Variants in ST18 observed in about 807,000 individuals in gnomAD.
ST18 encodes the protein suppression of tumorigenicity 18 protein.
In ST18, 50 loss-of-function variants were observed where a neutral mutation model predicts 110.0. The observed-to-expected ratio is 0.45, with a 90% confidence interval of 0.36 to 0.58. The LOEUF (loss-of-function observed/expected upper bound fraction) is 0.58. ST18 is among the 20% of genes least tolerant of loss of function. The pLI is 0.00. For missense variants in ST18, 1,306 were observed against 1,280.1 expected, an observed-to-expected ratio of 1.02 and a Z score of -0.31; for synonymous variants, 461 against 452.4, an observed-to-expected ratio of 1.02 and a Z score of -0.24.
intron 2 of ST18, among the ~76,000 whole-genome samples, chr8:52,287,688 A>G (rs1187226371): frequency 6.6e-6 from 1 of 152,212 alleles, no homozygotes; most frequent in African/African-American, 2.4e-5. Flanking sequence ...TTGGCATTGC[A>G]TATACAAAGG....
At chr8:52,295,710 CTTTTTTTTTTT>C (rs371927202) in intron 2 of ST18, among the ~76,000 whole-genome samples, 1 of 130,846 alleles carries the variant, frequency 7.6e-6, no homozygotes, top group Non-Finnish European at 1.6e-5. Context: ...TCTTTTTTTC[CTTTTTTTTTTT>C]TTTTTTTGAA....
intron 2 of ST18, among the ~76,000 whole-genome samples, chr8:52,233,699 T>A (rs1474854394): frequency 6.6e-6 from 1 of 152,184 alleles, no homozygotes; most frequent in Non-Finnish European, 1.5e-5. Context: ...CCAATTTAAG[T>A]CTATTATTTT....
At chr8:52,151,177 C>T (rs2058716822) in intron 15 of ST18, among the ~76,000 whole-genome samples, 1 of 152,114 alleles carries the variant, frequency 6.6e-6, no homozygotes, top group East Asian at 1.9e-4. Flanking sequence ...TGTTTTAACT[C>T]TTCCCTTTAA....
chr8:52,146,363 C>T (rs2057275122), intron 16 of ST18, among the ~76,000 whole-genome samples: 3 of 152,330 alleles, frequency 2.0e-5, no homozygotes, highest in Admixed American at 6.5e-5. Flanking sequence ...CCTGCCATTT[C>T]TTCATTCTTC....
intron 8 of ST18, among the ~76,000 whole-genome samples, chr8:52,182,757 T>C (rs2070314342): frequency 6.6e-6 from 1 of 152,088 alleles, no homozygotes; most frequent in Admixed American, 6.6e-5. Flanking sequence ...TACTTCACAC[T>C]TGAAAATGAG....
At chr8:52,400,252 G>A (rs577760279) in intron 2 of ST18, among the ~76,000 whole-genome samples, 12 of 152,124 alleles carry the variant, frequency 7.9e-5, no homozygotes, top group African/African-American at 2.6e-4. Context: ...CTATTTGCAT[G>A]GAATATCTTT....
chr8:52,214,858 G>T (rs2083536543), intron 6 of ST18, among the ~76,000 whole-genome samples: 1 of 152,160 alleles, frequency 6.6e-6, no homozygotes, highest in Non-Finnish European at 1.5e-5. Context: ...AAATTTGAGT[G>T]ATATATGTGC....
At chr8:52,372,370 T>C (rs2140642595) in intron 2 of ST18, among the ~76,000 whole-genome samples, 1 of 152,326 alleles carries the variant, frequency 6.6e-6, no homozygotes, top group South Asian at 2.1e-4. Flanking sequence ...TAAAAGTTTA[T>C]AAAGTAAAAA....
chr8:52,312,823 A>G (rs1375970115), intron 2 of ST18, among the ~76,000 whole-genome samples: 3 of 152,128 alleles, frequency 2.0e-5, no homozygotes, highest in Admixed American at 2.0e-4. Flanking sequence ...TATAGACCCT[A>G]TGATGTTGGA....
chr8:52,300,120 CA>C (rs2139511466), intron 2 of ST18, among the ~76,000 whole-genome samples: 1 of 152,286 alleles, frequency 6.6e-6, no homozygotes, highest in African/African-American at 2.4e-5. Context: ...TGGTATATTT[CA>C]AAACACAAAT....
chr8:52,257,900 T>C (rs2094573805), intron 2 of ST18, among the ~76,000 whole-genome samples: 1 of 152,228 alleles, frequency 6.6e-6, no homozygotes, highest in African/African-American at 2.4e-5. Context: ...CCAAGAGTTT[T>C]AGAATTTTAA....
At chr8:52,132,532 C>T (rs778817990) in intron 21 of ST18, among the ~76,000 whole-genome samples, 10 of 152,212 alleles carry the variant, frequency 6.6e-5, no homozygotes, top group East Asian at 3.9e-4. Context: ...ATGTTGCTTC[C>T]GAAGACCAAA....
chr8:52,251,680 T>C (rs941300391), intron 2 of ST18, among the ~76,000 whole-genome samples: 1 of 152,120 alleles, frequency 6.6e-6, no homozygotes, highest in Non-Finnish European at 1.5e-5. Flanking sequence ...ATATGCATTA[T>C]GAGCAATGAA....
intron 2 of ST18, among the ~76,000 whole-genome samples, chr8:52,343,103 G>A (rs1815916026): frequency 6.6e-6 from 1 of 152,130 alleles, no homozygotes; most frequent in South Asian, 2.1e-4. Context: ...TCAGCAGGAT[G>A]AGGAAGAGGT....
chr8:52,232,571 T>C (rs1237356194), intron 2 of ST18, among the ~76,000 whole-genome samples: 1 of 152,154 alleles, frequency 6.6e-6, no homozygotes, highest in Non-Finnish European at 1.5e-5. Context: ...TATGAGGTGT[T>C]CTTTGTTGAT....
In ST18 at chr8:52,158,928, G is replaced by T. The variant is rs754282904; in HGVS notation, c.1776C>A (p.Leu592=). The part of the protein sequence containing the change: ...STRCREATDI[L]SNKPQSLHAK... Reference sequence around the variant, plus strand: ...CATGCAGACTCTGTGGCTTGTTGGAGAGGATGTCTGTGGCTTCCCTGCAGC... The same window carrying T: ...CATGCAGACTCTGTGGCTTGTTGGATAGGATGTCTGTGGCTTCCCTGCAGC... The change falls in exon 15 of 26, where the codon CTC becomes CTA. Residue 592 remains leucine, a synonymous_variant. Coordinates refer to ENST00000689386, the MANE Select transcript of ST18 (RefSeq NM_001352837.2). 2 of 1,614,018 alleles carry T rather than the reference G, an allele frequency of 1.2e-6. No individual in the cohort carries two copies. The highest frequency in any genetic ancestry group is 1.3e-5 in the African/African-American group (1 of 75,044).
chr8:52,130,066 G>C (rs575303569), intron 22 of ST18, among the ~76,000 whole-genome samples: 2 of 138,516 alleles, frequency 1.4e-5, no homozygotes, highest in Non-Finnish European at 3.1e-5. Context: ...GAAAGAAAGA[G>C]AGAGAGAGAG....
intron 2 of ST18, among the ~76,000 whole-genome samples, chr8:52,250,365 G>T (rs753517626): frequency 2.9e-5 from 4 of 139,110 alleles, no homozygotes; most frequent in Non-Finnish European, 4.5e-5. Flanking sequence ...TTTACCAACC[G>T]CTAGGTCCCT....
At chr8:52,188,973 G>A (rs1194795715) in intron 8 of ST18, among the ~76,000 whole-genome samples, 1 of 152,156 alleles carries the variant, frequency 6.6e-6, no homozygotes, top group Non-Finnish European at 1.5e-5. Context: ...AACTTGCAAT[G>A]CCTACTGCAT....
Sources: allele counts gnomAD v4.1 joint callset (sites outside exome capture counted in the v4.1 genomes callset), GRCh38; gene constraint gnomAD v4.1.1; transcripts MANE v1.5; gene names NCBI Gene and HGNC (gene_info 2026-07-23, HGNC 2026-07-21).